NEBL: variants seen among roughly 807,000 people sequenced by gnomAD.
NEBL encodes nebulette, also known as LIM and SH3 protein 2.
Under a neutral mutation model 140.2 loss-of-function variants are expected in NEBL, and 122 were observed. The ratio of observed to expected loss-of-function variants is 0.87; its 90% confidence interval spans 0.75 to 1.01. The LOEUF is 1.01. NEBL is among the 50% of genes least tolerant of loss of function. The pLI is 0.00. For synonymous variants in NEBL, 436 were observed against 398.9 expected, an observed-to-expected ratio of 1.09 and a Z score of -1.11; for missense variants, 1,365 against 1,231.3, an observed-to-expected ratio of 1.11 and a Z score of -1.62.
At chr10:21,022,407 C>T (rs142542513) in intron 2 of NEBL, among the ~76,000 whole-genome samples, 331 of 152,318 alleles carry the variant, frequency 2.2e-3, no homozygotes, top group Non-Finnish European at 3.0e-3. Context: ...ACCCAAAGCA[C>T]GCTAGCACTT....
intron 2 of NEBL, among the ~76,000 whole-genome samples, chr10:21,120,640 T>C (rs1232633224): frequency 4.8e-5 from 7 of 144,760 alleles, no homozygotes; most frequent in Admixed American, 3.5e-4. Flanking sequence ...CCTTCTATAT[T>C]TATTGGGGAT....
At chr10:20,983,641 G>A (rs893641220) in intron 3 of NEBL, among the ~76,000 whole-genome samples, 5 of 152,224 alleles carry the variant, frequency 3.3e-5, no homozygotes, top group African/African-American at 9.6e-5. Flanking sequence ...ACAAGGCAAA[G>A]AGAAATTAAA....
intron 4 of NEBL, among the ~76,000 whole-genome samples, chr10:20,937,778 C>T (rs543330961): frequency 4.3e-4 from 65 of 152,290 alleles, no homozygotes; most frequent in Admixed American, 9.1e-4. Context: ...GCAAACGGCA[C>T]ACCAGGAGAT....
rs185746282 is a variant in NEBL at position 20,814,359 on chromosome 10, G to C, written c.2242-316C>G. Among the ~76,000 whole-genome samples the C allele has an allele frequency of 4.7e-3, 714 of 151,942 alleles. 3 individuals carry two copies. The highest frequency in any genetic ancestry group is 0.017 in the African/African-American group (691 of 41,414). On this transcript the variant is annotated intron_variant, in intron 22 of 27. Coordinates refer to ENST00000377122, the MANE Select transcript of NEBL (RefSeq NM_006393.3). ...ATCTGTAATCACAGCACTTTGGAAAGCTAAGGTGGGAGGATGACTTGAGGC... is the reference window on the plus strand; with the variant it reads ...ATCTGTAATCACAGCACTTTGGAAACCTAAGGTGGGAGGATGACTTGAGGC...
At chr10:20,877,183 G>A (rs1169300833) in intron 5 of NEBL, among the ~76,000 whole-genome samples, 1 of 152,188 alleles carries the variant, frequency 6.6e-6, no homozygotes, top group Non-Finnish European at 1.5e-5. Context: ...TTAAGATGGA[G>A]GCTCTGCTGT....
intron 26 of NEBL, among the ~76,000 whole-genome samples, chr10:20,788,237 G>A (rs1835604094): frequency 1.3e-5 from 2 of 152,120 alleles, no homozygotes; most frequent in African/African-American, 4.8e-5. Flanking sequence ...TTCGTAGCGT[G>A]CCCTTCATTG....
At chr10:20,842,977 C>A (rs911516030) in intron 12 of NEBL, among the ~76,000 whole-genome samples, 5 of 151,988 alleles carry the variant, frequency 3.3e-5, no homozygotes, top group African/African-American at 1.2e-4. Flanking sequence ...TCTTTCAGTG[C>A]CTGGCTTATT....
chr10:21,248,082 C>A, intron 2 of NEBL: 1 of 228,806 alleles, frequency 4.4e-6, no homozygotes, highest in Admixed American at 4.2e-5. Context: ...AATGGGCAGC[C>A]TTTAACTGAT....
At chr10:21,255,243 T>C (rs1588568080) in intron 1 of NEBL, among the ~76,000 whole-genome samples, 1 of 152,112 alleles carries the variant, frequency 6.6e-6, no homozygotes, top group South Asian at 2.1e-4. Flanking sequence ...GAACGTCATG[T>C]CCTAAGGCCA....
chr10:21,267,390 A>G (rs1430079746), intron 1 of NEBL, among the ~76,000 whole-genome samples: 1 of 152,238 alleles, frequency 6.6e-6, no homozygotes, highest in African/African-American at 2.4e-5. Flanking sequence ...CTGGGATTAC[A>G]GGCATGAGCC....
At chr10:20,900,356 G>A (rs1052493305), upstream of NEBL, among the ~76,000 whole-genome samples, 3 of 152,086 alleles carry the variant, frequency 2.0e-5, no homozygotes, top group Non-Finnish European at 4.4e-5. Flanking sequence ...TAGTTAAACA[G>A]AAAAACTGAG....
chr10:21,151,318 AG>A (rs1371982373), intron 2 of NEBL, among the ~76,000 whole-genome samples: 3 of 152,158 alleles, frequency 2.0e-5, no homozygotes. Context: ...TGAAACTTCC[AG>A]GGGGTCCAAC....
intron 3 of NEBL, among the ~76,000 whole-genome samples, chr10:20,994,051 G>A (rs1303651437): frequency 6.6e-6 from 1 of 152,136 alleles, no homozygotes; most frequent in African/African-American, 2.4e-5. Flanking sequence ...TCTCACAGCA[G>A]ACAAAATAAA....
At chr10:20,937,370 A>T (rs891940468) in intron 4 of NEBL, among the ~76,000 whole-genome samples, 1 of 152,122 alleles carries the variant, frequency 6.6e-6, no homozygotes, top group South Asian at 2.1e-4. Context: ...TATCATTCCC[A>T]TGAGAGATGT....
At chr10:21,174,162 C>G (rs1433160719) in exon 1 of NEBL, 8 of 465,038 alleles carry the variant, frequency 1.7e-5, no homozygotes, top group Non-Finnish European at 2.3e-5. Context: ...ACTCGCTCCC[C>G]CGCCTCGCCG....
At chr10:20,916,140 A>G (rs1436544285) in intron 4 of NEBL, among the ~76,000 whole-genome samples, 1 of 152,174 alleles carries the variant, frequency 6.6e-6, no homozygotes, top group Non-Finnish European at 1.5e-5. Flanking sequence ...TAGTTCAACT[A>G]GATGTTTGAT....
chr10:21,172,182 C>T (rs1306257356), intron 2 of NEBL: 12 of 601,152 alleles, frequency 2.0e-5, no homozygotes, highest in African/African-American at 3.7e-5. Context: ...GATGCATAGA[C>T]GTTACCCAAC....
At chr10:21,153,190 C>T (rs536539130) in intron 2 of NEBL, among the ~76,000 whole-genome samples, 7 of 151,730 alleles carry the variant, frequency 4.6e-5, no homozygotes, top group African/African-American at 1.7e-4. Context: ...ATATTATCTC[C>T]CATTTCACAG....
intron 3 of NEBL, among the ~76,000 whole-genome samples, chr10:21,234,405 C>T (rs1842320150): frequency 6.6e-6 from 1 of 152,108 alleles, no homozygotes; most frequent in African/African-American, 2.4e-5. Context: ...CACCCTCTCT[C>T]TTCATGTAAT....
Sources: allele counts gnomAD v4.1 joint callset (sites outside exome capture counted in the v4.1 genomes callset), GRCh38; gene constraint gnomAD v4.1.1; transcripts MANE v1.5; gene names NCBI Gene and HGNC (gene_info 2026-07-23, HGNC 2026-07-21).